DNAJC25: variants seen among roughly 807,000 people sequenced by gnomAD.
DNAJC25 encodes DnaJ heat shock protein family (Hsp40) member C25, also known as dnaJ homolog subfamily C member 25.
In DNAJC25, 26 loss-of-function variants were observed where a neutral mutation model predicts 42.1. The ratio of observed to expected loss-of-function variants is 0.62; its 90% CI spans 0.45 to 0.86. The LOEUF is 0.86. Among genes scored for constraint, DNAJC25 ranks in the 40% least tolerant of loss-of-function variants. The probability of loss-of-function intolerance (pLI) is 0.00; values close to 1 mark genes in which losing one functional copy is unlikely to be tolerated. For missense variants in DNAJC25, 404 were observed against 459.4 expected (o/e 0.88, Z 1.10); for synonymous variants, 189 against 179.9 (o/e 1.05, Z -0.40).
intron 1 of DNAJC25, among the ~76,000 whole-genome samples, chr9:111,638,743 G>C (rs776306762): frequency 6.6e-6 from 1 of 151,002 alleles, no homozygotes; most frequent in Non-Finnish European, 1.5e-5. Flanking sequence ...TCCCTCATTC[G>C]ACTTTTTGCA....
At chr9:111,641,390 T>G (rs62569898) in intron 1 of DNAJC25, among the ~76,000 whole-genome samples, 1 of 120,244 alleles carries the variant, frequency 8.3e-6, no homozygotes, top group South Asian at 2.9e-4. Context: ...CCGCCCTGTC[T>G]GGGAGGGAGG....
intron 1 of DNAJC25, among the ~76,000 whole-genome samples, chr9:111,638,321 C>T (rs1044840933): frequency 2.6e-5 from 4 of 151,712 alleles, no homozygotes; most frequent in Admixed American, 6.6e-5. Flanking sequence ...AAAATACCTA[C>T]CAAGCAATAA....
At chr9:111,639,930 C>CCGTCTCCGTCTCCGTGTCCGTG in intron 1 of DNAJC25, among the ~76,000 whole-genome samples, 1 of 133,202 alleles carries the variant, frequency 7.5e-6, no homozygotes, top group African/African-American at 3.4e-5. Flanking sequence ...CCCTCTCCCT[C>CCGTCTCCGTCTCCGTGTCCGTG]TCCGTCTCCG....
chr9:111,641,952 G>A (rs1353187310), intron 1 of DNAJC25, among the ~76,000 whole-genome samples: 5 of 128,030 alleles, frequency 3.9e-5, no homozygotes, highest in African/African-American at 1.2e-4. Flanking sequence ...TCAGCCCCCC[G>A]CCCGGCCAGC....
intron 1 of DNAJC25, among the ~76,000 whole-genome samples, chr9:111,635,564 T>A (rs1830350666): frequency 6.6e-6 from 1 of 152,160 alleles, no homozygotes; most frequent in African/African-American, 2.4e-5. Context: ...AAAAATTGGA[T>A]AATACATGAA....
At position 111,649,314 on chromosome 9, in the gene DNAJC25, A is replaced by G. The variant is rs962493846; in HGVS notation, c.490-139A>G. The G allele has an allele frequency of 3.4e-5, 47 of 1,400,432 alleles. No homozygotes were observed. The East Asian group carries it at 1.1e-3, about 33-fold the overall frequency. The allele number at this position is 1,400,432 out of a possible 1,614,324, so 86.8% of individuals were successfully genotyped here. A position where few individuals can be genotyped will look rare whatever the true frequency, so the allele number is the denominator to read the frequency against. On this transcript the variant is annotated intron_variant, in intron 2 of 3. Transcript: ENST00000313525. Reference sequence around the variant, plus strand: ...TCGTTCAGTTGTGTCTTTTACTTACAAAGTAAGATCTTTGAGATCCCTATT... The same window carrying G: ...TCGTTCAGTTGTGTCTTTTACTTACGAAGTAAGATCTTTGAGATCCCTATT...
intron 2 of DNAJC25, among the ~76,000 whole-genome samples, 172 bp from the exon 3 acceptor site, chr9:111,649,281 C>T (rs985675231): frequency 1.3e-5 from 2 of 152,100 alleles, no homozygotes; most frequent in Non-Finnish European, 2.9e-5. Flanking sequence ...CCTGTGTACG[C>T]ATGGGCTTCG....
At chr9:111,639,725 A>T (rs1830416927) in intron 1 of DNAJC25, among the ~76,000 whole-genome samples, 1 of 144,546 alleles carries the variant, frequency 6.9e-6, no homozygotes, top group African/African-American at 2.8e-5. Flanking sequence ...GTGTGGATTT[A>T]AAAAAAAATA....
Position 111,649,553 on chromosome 9 carries a change from T to G in DNAJC25, c.590T>G (p.Leu197Arg). 6.2e-7 allele frequency: 1 copy of G among 1,614,010 alleles called. No homozygotes were observed. The highest frequency in any genetic ancestry group is 1.1e-5 in the South Asian group (1 of 91,070). The stretch of plus-strand genomic sequence containing the variant: ...ACAGAGATTGCCAAGCAGCAGGGAC[T>G]GCTCAAAAAAGCCAAAGAAAAAGGC... Reference protein sequence around the residue: ...QATEIAKQQGLLKKAKEKGKN... With the variant: ...QATEIAKQQGRLKKAKEKGKN... Residue 197 changes from leucine (L) to arginine (R), a missense_variant, in exon 3 of 4, where the codon CTG (leucine) becomes CGG (arginine). Transcript: ENST00000313525.
At chr9:111,652,926 A>T (rs1347827686) in intron 3 of DNAJC25, among the ~76,000 whole-genome samples, 174 bp from the exon 4 acceptor site, 1 of 152,212 alleles carries the variant, frequency 6.6e-6, no homozygotes, top group Non-Finnish European at 1.5e-5. Context: ...AAATAAATAA[A>T]TAAATAAATA....
Position 111,631,636 on chromosome 9 carries a change from C to A in DNAJC25, c.229C>A (p.His77Asn). 1 of 1,509,122 alleles carries A rather than the reference C, an allele frequency of 6.6e-7. No homozygotes were observed. Among genetic ancestry groups the A allele is most frequent in the East Asian group, 2.6e-5 (1 of 37,830 alleles). 93.5% of individuals were successfully genotyped at this position (1,509,122 alleles called of 1,614,324 possible). ...RAYRQLARRY[H>N]PDRYRPQPGD... ...CTACCGCCAGCTGGCCCGGCGCTACCACCCTGACCGCTACCGGCCCCAGCC... is the reference window on the plus strand; with the variant it reads ...CTACCGCCAGCTGGCCCGGCGCTACAACCCTGACCGCTACCGGCCCCAGCC... Residue 77 changes from histidine to asparagine, a missense_variant, in exon 1 of 4, where the codon CAC becomes AAC. His to Asn is a moderately conservative substitution (Grantham distance 68). Coordinates refer to ENST00000313525, the MANE Select transcript of DNAJC25 (RefSeq NM_001015882.3).
chr9:111,631,471 C>T lies in DNAJC25; in HGVS notation c.64C>T (p.Leu22=). The T allele has an allele frequency of 1.5e-6, 2 of 1,320,354 alleles. No homozygotes were observed. The highest frequency in any genetic ancestry group is 1.9e-6 in the Non-Finnish European group (2 of 1,041,412). 81.8% of individuals were successfully genotyped at this position (1,320,354 alleles called of 1,614,324 possible). A position where few individuals can be genotyped will look rare whatever the true frequency, so the allele number is the denominator to read the frequency against. The change falls in exon 1 of 4, where the codon CTG becomes TTG. Residue 22 remains leucine (L), a synonymous_variant. Transcript: ENST00000313525. ...AGAAGRRWWM[L]LAPLLPALLL... is the part of the protein sequence containing the mutation. ...GGCTGCCGGCCGGCGCTGGTGGATG[C>T]TGCTGGCGCCCCTGCTGCCGGCGCT...
At chr9:111,648,876 G>A (rs1337087096) in intron 2 of DNAJC25, among the ~76,000 whole-genome samples, 1 of 152,156 alleles carries the variant, frequency 6.6e-6, no homozygotes, top group Admixed American at 6.5e-5. Context: ...ATACATTTAT[G>A]AAGTAAGTTA....
intron 1 of DNAJC25, among the ~76,000 whole-genome samples, chr9:111,634,761 G>C (rs1346953134): frequency 1.3e-5 from 2 of 151,348 alleles, no homozygotes; most frequent in Non-Finnish European, 2.9e-5. Flanking sequence ...TAAAAAATAA[G>C]TACACTAACA....
chr9:111,641,260 G>A (rs1243207774), intron 1 of DNAJC25, among the ~76,000 whole-genome samples: 11 of 143,204 alleles, frequency 7.7e-5, no homozygotes, highest in African/African-American at 2.6e-4. Context: ...CAGCCGCCCC[G>A]TCTGGGAGGT....
At chr9:111,646,130 ATTTGT>A (rs1304124361) in intron 1 of DNAJC25, among the ~76,000 whole-genome samples, 1 of 152,314 alleles carries the variant, frequency 6.6e-6, no homozygotes, top group East Asian at 1.9e-4. Flanking sequence ...AGATTAAATA[ATTTGT>A]TTTGATTTTA....
At chr9:111,636,995 A>G (rs777657322) in intron 1 of DNAJC25, among the ~76,000 whole-genome samples, 1 of 152,212 alleles carries the variant, frequency 6.6e-6, no homozygotes, top group Non-Finnish European at 1.5e-5. Context: ...TGACTGGCTG[A>G]CATGATGTAA....
chr9:111,644,432 A>T (rs957751381), intron 1 of DNAJC25, among the ~76,000 whole-genome samples: 3 of 152,228 alleles, frequency 2.0e-5, no homozygotes, highest in Admixed American at 6.5e-5. Flanking sequence ...CTGGTGAAAG[A>T]TCTGAGTGAA....
chr9:111,641,525 A>G (rs1589343977), intron 1 of DNAJC25, among the ~76,000 whole-genome samples: 1 of 59,964 alleles, frequency 1.7e-5, no homozygotes, highest in Non-Finnish European at 2.9e-5. Context: ...TCCGGGAGGG[A>G]GGTGGGGGGG....
Sources: allele counts gnomAD v4.1 joint callset (sites outside exome capture counted in the v4.1 genomes callset), GRCh38; gene constraint gnomAD v4.1.1; transcripts MANE v1.5; gene names NCBI Gene and HGNC (gene_info 2026-07-23, HGNC 2026-07-21).